The following PECAM1 variants were observed in gnomAD, a reference collection of about 807,000 sequenced individuals.
PECAM1 encodes platelet endothelial cell adhesion molecule.
A neutral mutation model predicts 13.8 loss-of-function variants in PECAM1; 8 were observed. The ratio of observed to expected loss-of-function variants is 0.58; its 90% CI spans 0.34 to 1.05. The LOEUF is 1.05. Ranked by LOEUF, PECAM1 falls within the 50% of genes least tolerant of loss-of-function variation. PECAM1 has a pLI of 0.03. For missense variants in PECAM1, 304 were observed against 141.2 expected (o/e 2.15, Z -5.84); for synonymous variants, 136 against 52.6 (o/e 2.58, Z -6.86).
chr17:64,343,363 C>T (rs2035482241), intron 13 of PECAM1, among the ~76,000 whole-genome samples: 1 of 152,054 alleles, frequency 6.6e-6, no homozygotes, highest in Non-Finnish European at 1.5e-5. Context: ...ACCAACACAC[C>T]CACACTCACT....
intron 2 of PECAM1, among the ~76,000 whole-genome samples, chr17:64,387,668 G>A (rs1161082145): frequency 1.3e-5 from 2 of 152,174 alleles, no homozygotes; most frequent in African/African-American, 4.8e-5. Context: ...GAGGGAAACC[G>A]AGAGGATGGG....
intron 4 of PECAM1, among the ~76,000 whole-genome samples, chr17:64,374,665 T>A (rs1333105696): frequency 1.3e-5 from 2 of 151,814 alleles, no homozygotes; most frequent in East Asian, 3.9e-4. Context: ...ATGCCTGTAA[T>A]CCCAGCTACT....
At chr17:64,366,576 A>C (rs1196934735) in intron 5 of PECAM1, among the ~76,000 whole-genome samples, 73 of 152,192 alleles carry the variant, frequency 4.8e-4, no homozygotes, top group Middle Eastern at 3.4e-3. Flanking sequence ...AACCAATCCA[A>C]ATGTCCAACA....
In PECAM1 at chr17:64,360,411, C is replaced by T; in HGVS notation, c.1221G>A (p.Met407Ile). 1 of 475,170 alleles carries T rather than the reference C, an allele frequency of 2.1e-6. No homozygotes were observed. Among genetic ancestry groups the T allele is most frequent in the Admixed American group, 3.2e-5 (1 of 31,682 alleles). 29.4% of individuals were successfully genotyped at this position (475,170 alleles called of 1,614,324 possible). ...SNTVQIVVCE[M>I]LSQPRISYDA... The stretch of plus-strand genomic sequence containing the variant: ...CATAAGAAATCCTGGGCTGGGAGAG[C>T]ATTTCTAGAACAGAGGGAGAAACAA... The change falls in exon 7 of 16, where the codon ATG (methionine) becomes ATA (isoleucine). Residue 407 changes from methionine to isoleucine, a missense_variant. Physicochemically the swap from Met to Ile is conservative, Grantham distance 10. Coordinates refer to ENST00000563924, the MANE Select transcript of PECAM1 (RefSeq NM_000442.5).
intron 14 of PECAM1, among the ~76,000 whole-genome samples, chr17:64,330,296 A>G (rs7224140): frequency 0.55 from 83,621 of 151,772 alleles, 23,105 homozygotes; most frequent in East Asian, 0.69. Flanking sequence ...TGGGATTACA[A>G]GTGTGAGTCA....
chr17:64,346,705 C>T (rs924662889), intron 13 of PECAM1, among the ~76,000 whole-genome samples: 31 of 152,226 alleles, frequency 2.0e-4, no homozygotes, highest in East Asian at 7.7e-4. Context: ...TATGGAGCAG[C>T]CCACTCTGCA....
intron 9 of PECAM1, among the ~76,000 whole-genome samples, 156 bp downstream of exon 9, chr17:64,354,777 C>T (rs1416092017): frequency 6.6e-6 from 1 of 152,178 alleles, no homozygotes; most frequent in Non-Finnish European, 1.5e-5. Context: ...GATGCAATTT[C>T]CCCCCAAATT....
At chr17:64,364,378 C>CTG (rs2036053809) in intron 5 of PECAM1, among the ~76,000 whole-genome samples, 5,596 of 151,814 alleles carry the variant, frequency 0.037, 349 homozygotes, top group African/African-American at 0.13. Context: ...GATTCACAGC[C>CTG]GAATTCTACC....
intron 7 of PECAM1, among the ~76,000 whole-genome samples, chr17:64,356,742 T>A (rs2035855758): frequency 6.6e-6 from 1 of 152,118 alleles, no homozygotes; most frequent in Non-Finnish European, 1.5e-5. Flanking sequence ...TTTGCCCACC[T>A]CGGCCTTCCA....
At chr17:64,326,238 ACT>A (rs2034955800) in intron 15 of PECAM1, among the ~76,000 whole-genome samples, 1 of 152,172 alleles carries the variant, frequency 6.6e-6, no homozygotes, top group Admixed American at 6.6e-5. Flanking sequence ...TGCACAGGAC[ACT>A]CTGCTGCAGG....
At chr17:64,383,800 G>C (rs1025609505) in intron 2 of PECAM1, among the ~76,000 whole-genome samples, 28 of 152,176 alleles carry the variant, frequency 1.8e-4, no homozygotes, top group African/African-American at 6.0e-4. Context: ...CCACCATCTT[G>C]TTTTTCTAAG....
In PECAM1 at chr17:64,322,914, T is replaced by A. The variant is rs1297625027; in HGVS notation, c.*902A>T. On this transcript the variant is annotated 3_prime_UTR_variant, in exon 16 of 16. Coordinates refer to ENST00000563924, the MANE Select transcript of PECAM1 (RefSeq NM_000442.5). ...TATTTTTAGTAGAGACAGGGTTTCA[T>A]CAGGCTGGTCTCAAACTCCTGACCT... The A allele has an allele frequency of 1.8e-5, 7 of 395,372 alleles. No homozygotes were observed. In the Admixed American group the frequency reaches 3.2e-4, roughly 18 times the overall value. 24.5% of individuals were successfully genotyped at this position (395,372 alleles called of 1,614,324 possible).
At chr17:64,374,950 T>C (rs1288230422) in intron 4 of PECAM1, 101 bp downstream of exon 4, 1 of 418,102 alleles carries the variant, frequency 2.4e-6, no homozygotes, top group Non-Finnish European at 4.4e-6. Context: ...GAACAGGTCT[T>C]AAGTCCTGAG....
rs975405952 is a variant in PECAM1, at chr17:64,356,268, C to T, written c.1623G>A (p.Glu541=). 2 of 474,892 alleles carry T rather than the reference C, an allele frequency of 4.2e-6. No individual in the cohort carries two copies. Among genetic ancestry groups the T allele is most frequent in the African/African-American group, 2.0e-5 (1 of 50,484 alleles). 29.4% of individuals were successfully genotyped at this position (474,892 alleles called of 1,614,324 possible). A position where few individuals can be genotyped will look rare whatever the true frequency, so the allele number is the denominator to read the frequency against. Residue 541 remains glutamate, a synonymous_variant, in exon 8 of 16, where the codon GAG becomes GAA. Transcript: ENST00000563924. ...AGGTCATTTGATAGAAGGGTTTGCCCTCTTTTTCTCTGTAAAACTTATAGG... is the reference window on the plus strand; with the variant it reads ...AGGTCATTTGATAGAAGGGTTTGCCTTCTTTTTCTCTGTAAAACTTATAGG... ...PITYKFYREK[E]GKPFYQMTSN...
At chr17:64,376,188 C>G (rs2036354450) in intron 3 of PECAM1, among the ~76,000 whole-genome samples, 2 of 151,906 alleles carry the variant, frequency 1.3e-5, no homozygotes, top group African/African-American at 4.8e-5. Context: ...ACCTGTAATC[C>G]CAGCTACTTG....
intron 13 of PECAM1, among the ~76,000 whole-genome samples, chr17:64,347,018 T>G (rs897554617): frequency 1.1e-3 from 162 of 152,342 alleles, no homozygotes; most frequent in African/African-American, 3.8e-3. Flanking sequence ...CCTAATTCCC[T>G]GGCACTTAGT....
At chr17:64,330,097 C>A (rs11657752) in intron 14 of PECAM1, among the ~76,000 whole-genome samples, 24,771 of 151,936 alleles carry the variant, frequency 0.16, 2,727 homozygotes, top group African/African-American at 0.32. Flanking sequence ...CTCACTGCAC[C>A]CTCCGCCTCC....
intron 7 of PECAM1, among the ~76,000 whole-genome samples, chr17:64,357,580 G>A (rs1460071155): frequency 1.3e-5 from 2 of 152,194 alleles, no homozygotes; most frequent in African/African-American, 4.8e-5. Flanking sequence ...GCAGGCTGTG[G>A]TAAGACAATG....
chr17:64,355,064 A>G lies in PECAM1; in HGVS notation c.1781-24T>C, dbSNP rs914839656. 1.1e-5 allele frequency: 5 copies of G among 474,482 alleles called. No individual in the cohort carries two copies. In the South Asian group the frequency reaches 3.4e-4, roughly 32 times the overall value. 29.4% of individuals were successfully genotyped at this position (474,482 alleles called of 1,614,324 possible). ...GACTGAAAACAAAACAAAACAAAAA[A>G]TTTTTTTTGTATATAGGCTCTTCCT... On this transcript the variant is annotated intron_variant, in intron 8 of 15. Transcript: ENST00000563924.
Sources: allele counts gnomAD v4.1 joint callset (sites outside exome capture counted in the v4.1 genomes callset), GRCh38; gene constraint gnomAD v4.1.1; transcripts MANE v1.5; gene names NCBI Gene and HGNC (gene_info 2026-07-23, HGNC 2026-07-21).